TAB3: variants seen among roughly 807,000 people sequenced by gnomAD.
TAB3 encodes the protein TGF-beta-activated kinase 1 and MAP3K7-binding protein 3.
Under a neutral mutation model 48.1 loss-of-function variants are expected in TAB3, and 18 were observed. That is an observed-to-expected ratio of 0.37 (90% confidence interval 0.26 to 0.55). The LOEUF (loss-of-function observed/expected upper bound fraction) is 0.55. TAB3 is among the 20% of genes least tolerant of loss of function. The pLI is 0.78. For missense variants in TAB3, 414 were observed against 549.8 expected (o/e 0.75, Z 2.47); for synonymous variants, 185 against 190.2 (o/e 0.97, Z 0.22).
intron 8 of TAB3, chrX:30,845,935 G>A: frequency 1.0e-6 from 1 of 953,678 alleles, no homozygotes; most frequent in Non-Finnish European, 1.3e-6. Flanking sequence ...GGGCCTACCA[G>A]AATGCAGCCT....
At chrX:30,884,931 T>G in intron 1 of TAB3, among the ~76,000 whole-genome samples, 1 of 112,617 alleles carries the variant, frequency 8.9e-6, no homozygotes, top group South Asian at 3.6e-4. Context: ...GATATTCCTT[T>G]TATGAAAAAC....
chrX:30,885,452 G>T (rs1940102976), intron 1 of TAB3, among the ~76,000 whole-genome samples: 1 of 111,931 alleles, frequency 8.9e-6, no homozygotes, highest in Non-Finnish European at 1.9e-5. Flanking sequence ...GTAGAAAAAG[G>T]AAATCTTCCC....
At chrX:30,864,579 C>T (rs929763419) in intron 4 of TAB3, among the ~76,000 whole-genome samples, 58 of 112,447 alleles carry the variant, frequency 5.2e-4, no homozygotes, top group African/African-American at 1.7e-3. Flanking sequence ...ATTCCCCACA[C>T]TCTAGAAAAT....
intron 8 of TAB3, 92 bp downstream of exon 8, chrX:30,846,459 C>CTT (rs1938627486): frequency 1.7e-6 from 1 of 599,011 alleles, no homozygotes; most frequent in Admixed American, 3.2e-5. Context: ...TAAAAACTGT[C>CTT]TCTTAAATCT....
At chrX:30,846,421 C>G (rs1938625922) in intron 8 of TAB3, 130 bp downstream of exon 8, 1 of 458,593 alleles carries the variant, frequency 2.2e-6, no homozygotes, top group Admixed American at 4.3e-5. Flanking sequence ...ACAGGGGGAT[C>G]TCTTTCCCAG....
At chrX:30,847,424 A>G (rs1439968351) in intron 7 of TAB3, among the ~76,000 whole-genome samples, 1 of 108,349 alleles carries the variant, frequency 9.2e-6, no homozygotes, top group Non-Finnish European at 1.9e-5. Context: ...AGAGAGTCCT[A>G]ATCTTCTATT....
chrX:30,861,877 A>T (rs897825091), intron 4 of TAB3, among the ~76,000 whole-genome samples: 1 of 112,439 alleles, frequency 8.9e-6, no homozygotes, highest in Non-Finnish European at 1.9e-5. Context: ...TTTTATATAT[A>T]TTTTTCAAAT....
intron 4 of TAB3, among the ~76,000 whole-genome samples, chrX:30,860,986 A>T (rs1055643136): frequency 8.9e-6 from 1 of 112,123 alleles, no homozygotes; most frequent in Non-Finnish European, 1.9e-5. Flanking sequence ...ACATACAAAC[A>T]TGTGTACATG....
At chrX:30,873,496 G>A (rs989215583) in intron 1 of TAB3, among the ~76,000 whole-genome samples, 3 of 101,655 alleles carry the variant, frequency 3.0e-5, no homozygotes, top group Admixed American at 1.1e-4. Context: ...CAGCACTCCC[G>A]CCTGGGCGAC....
At chrX:30,833,830 CAAAAAAA>C (rs11316848) in intron 10 of TAB3, among the ~76,000 whole-genome samples, 4 of 51,618 alleles carry the variant, frequency 7.7e-5, no homozygotes, top group African/African-American at 3.0e-4. Context: ...GACTCCGTCT[CAAAAAAA>C]AAAAAAAAAA....
chrX:30,837,187 T>A (rs1938264568), intron 9 of TAB3, among the ~76,000 whole-genome samples: 1 of 108,578 alleles, frequency 9.2e-6, no homozygotes, highest in Non-Finnish European at 1.9e-5. Flanking sequence ...TAGCTAGGAT[T>A]ACAGGTCCAC....
Position 30,829,104 on chromosome X carries a change from G to C in TAB3, c.*2323C>G, listed in dbSNP as rs964447321. The C allele has an allele frequency of 1.8e-5, 2 of 112,216 alleles. No individual in the cohort carries two copies. Among genetic ancestry groups the C allele is most frequent in the Non-Finnish European group, 3.8e-5 (2 of 53,236 alleles). 9.2% of individuals were successfully genotyped at this position (112,216 alleles called of 1,213,427 possible). A position where few individuals can be genotyped will look rare whatever the true frequency, so the allele number is the denominator to read the frequency against. On this transcript the variant is annotated 3_prime_UTR_variant, in exon 11 of 11. Coordinates refer to ENST00000288422, the MANE Select transcript of TAB3 (RefSeq NM_152787.5). ...ACCCTTTACACCTATCCAATAGACTGTTTTCTCTCTTTTCCTGGCAGGTGA... is the reference window on the plus strand; with the variant it reads ...ACCCTTTACACCTATCCAATAGACTCTTTTCTCTCTTTTCCTGGCAGGTGA...
chrX:30,884,573 T>C (rs1940079334), intron 1 of TAB3, among the ~76,000 whole-genome samples: 2 of 110,457 alleles, frequency 1.8e-5, no homozygotes, highest in Admixed American at 1.9e-4. Context: ...AAAGTCATTT[T>C]TCAAACGAAA....
At chrX:30,849,009 T>C (rs1329737397) in intron 7 of TAB3, among the ~76,000 whole-genome samples, 1 of 111,458 alleles carries the variant, frequency 9.0e-6, no homozygotes, top group African/African-American at 3.3e-5. Context: ...AAACTTAAAT[T>C]TCCCCCTCCT....
At chrX:30,874,111 G>A (rs1347813935) in intron 1 of TAB3, among the ~76,000 whole-genome samples, 2 of 111,723 alleles carry the variant, frequency 1.8e-5, no homozygotes, top group Admixed American at 9.5e-5. Context: ...GATTGAGGCT[G>A]CAGTGAACCA....
Position 30,868,349 on chromosome X carries a change from T to TA in TAB3, c.-279-801dup, listed in dbSNP as rs67040429. ...ATATATATATAAGCTTTTATATATA[T>TA]AGCTTATATATATATATATAGCTTA... is the stretch of plus-strand genomic sequence containing the variant. On this transcript the variant is annotated intron_variant, in intron 2 of 10. Transcript: ENST00000288422. Among the ~76,000 whole-genome samples, 3 of 25,759 alleles carry TA rather than the reference T, an allele frequency of 1.2e-4. 1 individual carries two copies. The highest frequency in any genetic ancestry group is 6.2e-4 in the African/African-American group (3 of 4,874). The allele number at this position is 25,759 out of a possible 115,157, so 22.4% of individuals were successfully genotyped here.
At chrX:30,835,470 A>G (rs1322667044) in intron 9 of TAB3, 2 of 112,783 alleles carry the variant, frequency 1.8e-5, no homozygotes, top group Non-Finnish European at 3.8e-5. Flanking sequence ...TTGTCCCTCT[A>G]TGGTGCTCAG....
intron 7 of TAB3, among the ~76,000 whole-genome samples, chrX:30,848,974 T>C (rs992123206): frequency 5.4e-5 from 6 of 111,171 alleles, no homozygotes; most frequent in Non-Finnish European, 9.4e-5. Flanking sequence ...GCTTTCTGCA[T>C]ATTAAAATCT....
chrX:30,847,219 C>A (rs1053666269), intron 7 of TAB3, among the ~76,000 whole-genome samples: 6 of 110,861 alleles, frequency 5.4e-5, no homozygotes, highest in African/African-American at 2.0e-4. Context: ...ATAAAAGACT[C>A]CTATATAAAT....
Sources: gnomAD v4.1 joint callset for allele counts (sites outside exome capture counted in the v4.1 genomes callset) on GRCh38, gnomAD v4.1.1 for gene constraint, MANE v1.5 for transcripts, NCBI Gene and HGNC (gene_info 2026-07-23, HGNC 2026-07-21) for gene names.